Variants in LMLN observed in about 807,000 individuals in gnomAD.
LMLN encodes leishmanolysin-like peptidase.
Under a neutral mutation model 92.3 loss-of-function variants are expected in LMLN, and 70 were observed. That is an observed-to-expected ratio of 0.76 (90% CI 0.63 to 0.92). The LOEUF is 0.92. Among genes scored for constraint, LMLN ranks in the 40% least tolerant of loss-of-function variants. The probability of loss-of-function intolerance (pLI) is 0.00; values close to 1 mark genes in which losing one functional copy is unlikely to be tolerated. For synonymous variants in LMLN, 308 were observed against 296.2 expected, an observed-to-expected ratio of 1.04 and a Z score of -0.41; for missense variants, 691 against 814.6, an observed-to-expected ratio of 0.85 and a Z score of 1.85.
intron 1 of LMLN, among the ~76,000 whole-genome samples, chr3:197,966,796 TTTTTA>T (rs1240705463): frequency 6.6e-6 from 1 of 152,174 alleles, no homozygotes; most frequent in Admixed American, 6.5e-5. Flanking sequence ...CATCTATGTA[TTTTTA>T]TTTTTTTAGA....
At chr3:197,985,044 C>T (rs1420424828) in intron 7 of LMLN, among the ~76,000 whole-genome samples, 2 of 152,148 alleles carry the variant, frequency 1.3e-5, no homozygotes, top group African/African-American at 4.8e-5. Flanking sequence ...TGACTTGCCA[C>T]TTCCTCAAAT....
chr3:198,029,614 A>G (rs1172866250), intron 14 of LMLN, among the ~76,000 whole-genome samples: 4 of 152,110 alleles, frequency 2.6e-5, no homozygotes, highest in African/African-American at 9.7e-5. Context: ...TGGAGGTTGC[A>G]GTGAGCCAAG....
In LMLN at chr3:197,975,042, G is replaced by T. The variant is rs7373165; in HGVS notation, c.318G>T (p.Glu106Asp). ...TATGTTTTTATGTCATTATTTTCAGGTTGCTCCCTGAGAAAAAGAATCTTG... is the reference window on the plus strand; with the variant it reads ...TATGTTTTTATGTCATTATTTTCAGTTTGCTCCCTGAGAAAAAGAATCTTG... The change falls in exon 3 of 16, where the codon GAG becomes GAT. Residue 106 changes from glutamate to aspartate, a missense_variant and splice_region_variant. Glu to Asp is a conservative substitution (Grantham distance 45). Around this residue, in one of 4 missense-constraint regions of LMLN, gnomAD observed 240 missense variants for 287.3 expected, o/e 0.84. Transcript: ENST00000330198. 0.11 allele frequency: 165,889 copies of T among 1,465,670 alleles called. 14,690 individuals are homozygous for T. Among genetic ancestry groups the T allele is most frequent in the African/African-American group, 0.45 (31,513 of 69,474 alleles). The allele number at this position is 1,465,670 out of a possible 1,614,324, so 90.8% of individuals were successfully genotyped here. A position where few individuals can be genotyped will look rare whatever the true frequency, so the allele number is the denominator to read the frequency against.
chr3:197,974,616 G>T, intron 2 of LMLN, 142 bp downstream of exon 2: 1 of 547,626 alleles, frequency 1.8e-6, no homozygotes. Flanking sequence ...AGCTGAAAAT[G>T]CATTTTAGTC....
intron 1 of LMLN, among the ~76,000 whole-genome samples, chr3:197,967,635 A>G (rs1009147657): frequency 1.3e-5 from 2 of 152,232 alleles, no homozygotes; most frequent in Non-Finnish European, 1.5e-5. Context: ...CTTGATAAAC[A>G]TCTTAAACAA....
At chr3:198,015,316 C>T (rs13064210) in intron 11 of LMLN, among the ~76,000 whole-genome samples, 2 of 35,120 alleles carry the variant, frequency 5.7e-5, no homozygotes, top group Admixed American at 2.3e-4. Flanking sequence ...TTCTCTCCAC[C>T]CTTCAGAGCC....
chr3:197,999,053 G>A (rs1722102013), intron 10 of LMLN, among the ~76,000 whole-genome samples: 1 of 152,198 alleles, frequency 6.6e-6, no homozygotes, highest in South Asian at 2.1e-4. Context: ...CAAGGGAATT[G>A]AACACAATGG....
At chr3:198,034,429 G>A (rs924327057) in intron 14 of LMLN, among the ~76,000 whole-genome samples, 2 of 151,978 alleles carry the variant, frequency 1.3e-5, no homozygotes, top group Non-Finnish European at 2.9e-5. Flanking sequence ...GGCCAACATG[G>A]TGAAACCCCA....
chr3:197,969,313 T>C (rs1453553228), intron 1 of LMLN, among the ~76,000 whole-genome samples: 1 of 152,076 alleles, frequency 6.6e-6, no homozygotes, highest in Non-Finnish European at 1.5e-5. Context: ...CCTTAGATCA[T>C]GAATTTGAGA....
chr3:197,985,844 C>T (rs751340818), exon 8 of LMLN: 2 of 1,613,680 alleles, frequency 1.2e-6, no homozygotes, highest in Non-Finnish European at 1.7e-6. Flanking sequence ...AGATGGAAAT[C>T]CTCTCACTTC....
chr3:197,987,773 T>C (rs574548593), intron 8 of LMLN, among the ~76,000 whole-genome samples: 1 of 152,334 alleles, frequency 6.6e-6, no homozygotes, highest in South Asian at 2.1e-4. Context: ...TTAAAAGGTA[T>C]AGCAAAGCAC....
chr3:197,993,422 C>A (rs6782061), intron 9 of LMLN, among the ~76,000 whole-genome samples: 1 of 151,830 alleles, frequency 6.6e-6, no homozygotes, highest in South Asian at 2.1e-4. Context: ...GATACAAAAT[C>A]AACACACAAA....
At chr3:198,023,494 C>T (rs1168177835) in intron 13 of LMLN, among the ~76,000 whole-genome samples, 1 of 152,090 alleles carries the variant, frequency 6.6e-6, no homozygotes, top group Non-Finnish European at 1.5e-5. Context: ...CAGCCCTGAA[C>T]CCCATTTTAG....
In LMLN at chr3:197,995,601, C is replaced by A. The variant is rs114933026; in HGVS notation, c.1048-574C>A. Among the ~76,000 whole-genome samples, 551 of 151,940 alleles carry A rather than the reference C, an allele frequency of 3.6e-3. 2 individuals are homozygous for A. The highest frequency in any genetic ancestry group is 0.013 in the African/African-American group (535 of 41,482). ...GTGGGGGGAGATGGTAAGGTGATGG[C>A]CAAAGGGTACAAAATCACAGATGGG... On this transcript the variant is annotated intron_variant, in intron 9 of 15. Coordinates refer to ENST00000330198, the Ensembl canonical transcript of LMLN.
intron 1 of LMLN, among the ~76,000 whole-genome samples, chr3:197,962,437 A>G (rs1314452187): frequency 1.3e-5 from 2 of 152,204 alleles, no homozygotes; most frequent in African/African-American, 2.4e-5. Context: ...AGCTGCTGTC[A>G]ATATTCTTGT....
At chr3:197,980,534 A>G (rs758375325) in intron 6 of LMLN, 30 bp downstream of exon 6, 6 of 1,592,770 alleles carry the variant, frequency 3.8e-6, no homozygotes, top group Non-Finnish European at 5.2e-6. Flanking sequence ...TTAGTTTCCA[A>G]GATCTAATGT....
intron 7 of LMLN, among the ~76,000 whole-genome samples, chr3:197,984,734 C>A (rs1721654585): frequency 6.6e-6 from 1 of 151,712 alleles, no homozygotes; most frequent in South Asian, 2.1e-4. Flanking sequence ...GAGGGGTGAG[C>A]CACTATATCC....
chr3:197,960,962 A>G (rs572230909), intron 1 of LMLN, among the ~76,000 whole-genome samples: 6 of 152,020 alleles, frequency 3.9e-5, no homozygotes, highest in African/African-American at 1.4e-4. Flanking sequence ...TTTTCACGTT[A>G]TGTCGTCACT....
rs142039210 is a variant in LMLN at position 197,985,390 on chromosome 3, T to TACACACACAC, written c.835-378_835-369dup. Among the ~76,000 whole-genome samples the TACACACACAC allele has an allele frequency of 1.5e-3, 217 of 142,476 alleles. 1 individual carries two copies. Among genetic ancestry groups the TACACACACAC allele is most frequent in the African/African-American group, 5.0e-3 (192 of 38,494 alleles). 93.5% of individuals were successfully genotyped at this position (142,476 alleles called of 152,430 possible). A position where few individuals can be genotyped will look rare whatever the true frequency, so the allele number is the denominator to read the frequency against. ...AGACTTTCAAAACCATTTCATAATG[T>TACACACACAC]ACACACACACACACACACACACACA... On this transcript the variant is annotated intron_variant, in intron 7 of 15. Coordinates refer to ENST00000330198, the Ensembl canonical transcript of LMLN.
Sources: allele counts gnomAD v4.1 joint callset (sites outside exome capture counted in the v4.1 genomes callset), GRCh38; gene constraint gnomAD v4.1.1; regional missense constraint gnomAD v4.1.1; transcripts MANE v1.5; gene names NCBI Gene and HGNC (gene_info 2026-07-23, HGNC 2026-07-21).